Variants in CALN1 observed in about 807,000 individuals in gnomAD.
CALN1 encodes the protein calcium-binding protein 8.
A neutral mutation model predicts 30.6 loss-of-function variants in CALN1; 17 were observed. That is an observed-to-expected ratio of 0.56 (90% confidence interval 0.38 to 0.83). The LOEUF (loss-of-function observed/expected upper bound fraction) is 0.83. Among genes scored for constraint, CALN1 ranks in the 40% least tolerant of loss-of-function variants. The pLI is 0.00. For missense variants in CALN1, 291 were observed against 354.9 expected (o/e 0.82, Z 1.45); for synonymous variants, 156 against 131.4 (o/e 1.19, Z -1.28).
At chr7:72,309,757 A>G (rs1799914357) in intron 2 of CALN1, among the ~76,000 whole-genome samples, 1 of 152,202 alleles carries the variant, frequency 6.6e-6, no homozygotes, top group African/African-American at 2.4e-5. Context: ...ATTCTGCTCC[A>G]AGCCAAAGAG....
chr7:72,472,149 T>A, the CALN1 span, among the ~76,000 whole-genome samples: 1 of 152,148 alleles, frequency 6.6e-6, no homozygotes, highest in Non-Finnish European at 1.5e-5. Flanking sequence ...CGCTTCCAAA[T>A]CCACCACAGT....
intron 3 of CALN1, among the ~76,000 whole-genome samples, chr7:72,140,753 T>G (rs1809869398): frequency 6.6e-6 from 1 of 152,092 alleles, no homozygotes. Context: ...ACCAAATGAG[T>G]GTTCAAGACA....
At chr7:72,133,719 A>G (rs1201762799) in intron 3 of CALN1, among the ~76,000 whole-genome samples, 2 of 152,224 alleles carry the variant, frequency 1.3e-5, no homozygotes, top group Non-Finnish European at 2.9e-5. Context: ...GTCAACATGA[A>G]CAGTAATGGG....
At chr7:72,211,248 C>T (rs185860578) in intron 3 of CALN1, among the ~76,000 whole-genome samples, 1 of 152,258 alleles carries the variant, frequency 6.6e-6, no homozygotes, top group Admixed American at 6.5e-5. Flanking sequence ...CCTTTCCAGG[C>T]TCCAGAGAAG....
chr7:71,924,356 A>G (rs1795147516), intron 5 of CALN1, among the ~76,000 whole-genome samples: 2 of 152,018 alleles, frequency 1.3e-5, no homozygotes, highest in South Asian at 4.1e-4. Context: ...GATATAGAAT[A>G]TATTTCCTTG....
chr7:72,129,010 A>C (rs1011080879), intron 3 of CALN1, among the ~76,000 whole-genome samples: 4 of 152,226 alleles, frequency 2.6e-5, no homozygotes, highest in South Asian at 2.1e-4. Context: ...AAATTTATAT[A>C]TATAGCATCA....
At chr7:72,503,161 A>T in the CALN1 span, among the ~76,000 whole-genome samples, 8 of 152,146 alleles carry the variant, frequency 5.3e-5, no homozygotes, top group Admixed American at 2.6e-4. Context: ...AAGAAAAAAA[A>T]AATGTATATA....
chr7:72,140,916 G>A (rs1809884160), intron 3 of CALN1, among the ~76,000 whole-genome samples: 1 of 152,228 alleles, frequency 6.6e-6, no homozygotes, highest in Non-Finnish European at 1.5e-5. Context: ...TCCTGTGGCA[G>A]CTGGTTCCCC....
intron 3 of CALN1, among the ~76,000 whole-genome samples, chr7:72,230,995 A>C (rs1247483828): frequency 6.6e-6 from 1 of 152,156 alleles, no homozygotes; most frequent in Non-Finnish European, 1.5e-5. Context: ...ATACCATCCC[A>C]AACTGCCCCA....
At chr7:71,829,895 T>C (rs1051658835) in intron 5 of CALN1, among the ~76,000 whole-genome samples, 1 of 152,184 alleles carries the variant, frequency 6.6e-6, no homozygotes, top group African/African-American at 2.4e-5. Flanking sequence ...TGTTCTCAAG[T>C]GGTTCATTTT....
chr7:71,886,645 C>T (rs1010922279), intron 5 of CALN1, among the ~76,000 whole-genome samples: 4 of 151,736 alleles, frequency 2.6e-5, no homozygotes, highest in Non-Finnish European at 4.4e-5. Flanking sequence ...TGGTGGTGGG[C>T]GCCTGTAATC....
At chr7:72,155,973 T>A (rs558811308) in intron 3 of CALN1, among the ~76,000 whole-genome samples, 1 of 152,314 alleles carries the variant, frequency 6.6e-6, no homozygotes, top group South Asian at 2.1e-4. Context: ...AGGACCCTTG[T>A]GGTTACATTA....
chr7:72,469,613 G>C, the CALN1 span, among the ~76,000 whole-genome samples: 1 of 151,992 alleles, frequency 6.6e-6, no homozygotes. Flanking sequence ...TGGCCAGGCT[G>C]GTCTCGAACT....
At chr7:72,393,734 C>T (rs1379998016) in intron 2 of CALN1, among the ~76,000 whole-genome samples, 1 of 144,792 alleles carries the variant, frequency 6.9e-6, no homozygotes, top group Non-Finnish European at 1.5e-5. Flanking sequence ...AGCTTATTGA[C>T]CATAGAGCTT....
chr7:72,038,758 C>A (rs190302704), intron 4 of CALN1, among the ~76,000 whole-genome samples: 1 of 152,298 alleles, frequency 6.6e-6, no homozygotes, highest in East Asian at 1.9e-4. Context: ...CACTGCTACA[C>A]TCCCACCAGT....
chr7:72,218,093 C>T (rs955749052), intron 3 of CALN1, among the ~76,000 whole-genome samples: 17 of 151,352 alleles, frequency 1.1e-4, no homozygotes, highest in African/African-American at 4.1e-4. Context: ...CCGCCCTCCT[C>T]GGCCTCCCAA....
At chr7:72,324,562 T>TTTATTTATG (rs1426367910) in intron 2 of CALN1, among the ~76,000 whole-genome samples, 2 of 29,908 alleles carry the variant, frequency 6.7e-5, no homozygotes, top group Non-Finnish European at 1.5e-4. Context: ...ATGATGTAAT[T>TTTATTTATG]TATTTATTTA....
intron 3 of CALN1, among the ~76,000 whole-genome samples, chr7:72,168,554 A>G (rs930124811): frequency 6.6e-6 from 1 of 152,184 alleles, no homozygotes; most frequent in African/African-American, 2.4e-5. Flanking sequence ...GTGTGAAGCT[A>G]GACGTGGCAC....
intron 4 of CALN1, among the ~76,000 whole-genome samples, chr7:72,081,224 A>C (rs554747016): frequency 6.6e-6 from 1 of 152,170 alleles, no homozygotes; most frequent in Admixed American, 6.5e-5. Flanking sequence ...AGAAACCAAA[A>C]GAAACATAGT....
Sources: allele counts gnomAD v4.1 joint callset (sites outside exome capture counted in the v4.1 genomes callset), GRCh38; gene constraint gnomAD v4.1.1; transcripts MANE v1.5; gene names NCBI Gene and HGNC (gene_info 2026-07-23, HGNC 2026-07-21).